Variants in PDE3A observed in about 807,000 individuals in gnomAD.
The protein encoded by PDE3A is cGMP-inhibited 3',5'-cyclic phosphodiesterase 3A.
A neutral mutation model predicts 98.3 loss-of-function variants in PDE3A; 43 were observed. The ratio of observed to expected loss-of-function variants is 0.44; its 90% CI spans 0.34 to 0.56. The LOEUF (loss-of-function observed/expected upper bound fraction) is 0.56, where lower values mean the gene tolerates loss of function less well. Ranked by LOEUF, PDE3A falls within the 20% of genes least tolerant of loss-of-function variation. PDE3A has a pLI of 0.01. For missense variants in PDE3A, 1,427 were observed against 1,440.7 expected (o/e 0.99, Z 0.15); for synonymous variants, 663 against 567.9 (o/e 1.17, Z -2.38).
intron 2 of PDE3A, among the ~76,000 whole-genome samples, chr12:20,582,970 G>C (rs183450423): frequency 6.6e-6 from 1 of 152,078 alleles, no homozygotes; most frequent in Non-Finnish European, 1.5e-5. Flanking sequence ...TGAATTCCAA[G>C]GAACAATTTA....
chr12:20,486,240 A>G (rs1257497950), intron 1 of PDE3A, among the ~76,000 whole-genome samples: 3 of 152,150 alleles, frequency 2.0e-5, no homozygotes, highest in African/African-American at 7.2e-5. Context: ...GGAAACTTAC[A>G]ATCATGGTGG....
intron 13 of PDE3A, among the ~76,000 whole-genome samples, chr12:20,649,770 A>G (rs1944870988): frequency 6.6e-6 from 1 of 152,038 alleles, no homozygotes; most frequent in Admixed American, 6.6e-5. Context: ...TACTAAAAAT[A>G]CAAAAATTGG....
Position 20,369,412 on chromosome 12 carries a change from G to GC in PDE3A, c.130dup (p.Arg44ProfsTer45), listed in dbSNP as rs1269861670. ...CCCGCATCGCCGCGGGACTCGGGCT[G>GC]CCGTGGCTGCTGGGGAGACCTGGTG... On this transcript the variant is annotated frameshift_variant, in exon 1 of 16. Coordinates refer to ENST00000359062, the MANE Select transcript of PDE3A (RefSeq NM_000921.5). LOFTEE classifies it high-confidence loss of function. 2 of 1,554,098 alleles carry GC rather than the reference G, an allele frequency of 1.3e-6. No individual in the cohort carries two copies. Among genetic ancestry groups the GC allele is most frequent in the Non-Finnish European group, 1.7e-6 (2 of 1,149,684 alleles).
chr12:20,414,890 A>G (rs1944396636), intron 1 of PDE3A, among the ~76,000 whole-genome samples: 2 of 152,334 alleles, frequency 1.3e-5, no homozygotes, highest in Non-Finnish European at 2.9e-5. Flanking sequence ...TTAAAAATCT[A>G]ATAAATATAA....
chr12:20,576,018 C>T (rs752232174), intron 2 of PDE3A, among the ~76,000 whole-genome samples: 22 of 151,720 alleles, frequency 1.5e-4, no homozygotes, highest in South Asian at 8.4e-4. Flanking sequence ...TTTTTGTGGG[C>T]GCATAGTAAG....
intron 1 of PDE3A, among the ~76,000 whole-genome samples, chr12:20,439,556 G>T (rs530878204): frequency 1.3e-5 from 2 of 152,180 alleles, no homozygotes; most frequent in South Asian, 2.1e-4. Context: ...TCAGATCACT[G>T]GTTATTGCTG....
intron 1 of PDE3A, among the ~76,000 whole-genome samples, chr12:20,532,863 T>A (rs1386349129): frequency 6.6e-6 from 1 of 152,066 alleles, no homozygotes; most frequent in African/African-American, 2.4e-5. Flanking sequence ...TAACTTTTTG[T>A]ATTTTTAGTA....
At chr12:20,595,483 C>A (rs558130705) in intron 2 of PDE3A, among the ~76,000 whole-genome samples, 16 of 152,126 alleles carry the variant, frequency 1.1e-4, no homozygotes, top group Non-Finnish European at 1.9e-4. Flanking sequence ...GTCTTTGGAC[C>A]TATTTGTCTT....
intron 2 of PDE3A, among the ~76,000 whole-genome samples, chr12:20,574,331 T>G (rs1204049060): frequency 2.0e-5 from 3 of 152,064 alleles, no homozygotes; most frequent in East Asian, 1.9e-4. Flanking sequence ...GACTTCACAT[T>G]AACTGAAATC....
Position 20,383,977 on chromosome 12 carries a change from G to A in PDE3A, c.960+13733G>A, listed in dbSNP as rs576863946. On this transcript the variant is annotated intron_variant, in intron 1 of 15. Coordinates refer to ENST00000359062, the MANE Select transcript of PDE3A (RefSeq NM_000921.5). Reference sequence around the variant, plus strand: ...AGATTGTTGCAATAATCCAGAGATGGTTGGGAGTTGGACCAAAATGATAAT... The same window carrying A: ...AGATTGTTGCAATAATCCAGAGATGATTGGGAGTTGGACCAAAATGATAAT... Among the ~76,000 whole-genome samples, 3 of 152,052 alleles carry A rather than the reference G, an allele frequency of 2.0e-5. No homozygotes were observed. The South Asian group carries it at 6.2e-4, about 31-fold the overall frequency.
chr12:20,676,072 CTCTG>C (rs753548495), intron 15 of PDE3A, among the ~76,000 whole-genome samples: 1 of 152,108 alleles, frequency 6.6e-6, no homozygotes, highest in Non-Finnish European at 1.5e-5. Flanking sequence ...CTCTCTCTCT[CTCTG>C]TCTTATTGTT....
At chr12:20,556,736 C>T (rs1274360865) in intron 2 of PDE3A, 26 bp downstream of exon 2, 1 of 1,577,764 alleles carries the variant, frequency 6.3e-7, no homozygotes, top group South Asian at 1.1e-5. Context: ...TTTTCTTTTT[C>T]ACGTTTCGTT....
intron 1 of PDE3A, among the ~76,000 whole-genome samples, chr12:20,506,663 C>T (rs748941369): frequency 6.6e-6 from 1 of 151,804 alleles, no homozygotes; most frequent in African/African-American, 2.4e-5. Flanking sequence ...ATACGTTAAC[C>T]TGGTTAATTG....
chr12:20,387,216 G>T (rs2120587497), intron 1 of PDE3A, among the ~76,000 whole-genome samples: 1 of 152,188 alleles, frequency 6.6e-6, no homozygotes, highest in East Asian at 1.9e-4. Flanking sequence ...AATGCCTGCT[G>T]CTTTGTTCTT....
chr12:20,601,230 T>TTTG (rs1943583655), intron 2 of PDE3A, among the ~76,000 whole-genome samples: 6 of 151,436 alleles, frequency 4.0e-5, no homozygotes, highest in Admixed American at 2.6e-4. Context: ...CTCCAAGGCT[T>TTTG]TTTGTTTGTT....
rs143647907 is a variant in PDE3A at position 20,415,469 on chromosome 12, G to T, written c.960+45225G>T. 4.7e-3 allele frequency among the ~76,000 whole-genome samples: 719 copies of T among 151,560 alleles called. 6 individuals carry two copies. Among genetic ancestry groups the T allele is most frequent in the African/African-American group, 0.017 (684 of 41,340 alleles). On this transcript the variant is annotated intron_variant, in intron 1 of 15. Coordinates refer to ENST00000359062, the MANE Select transcript of PDE3A (RefSeq NM_000921.5). Reference sequence around the variant, plus strand: ...GAGTCTCACTCAGCTTCCCAGACCGGAGTGCAGTGGCATCGATTTCAGCTT... The same window carrying T: ...GAGTCTCACTCAGCTTCCCAGACCGTAGTGCAGTGGCATCGATTTCAGCTT...
intron 1 of PDE3A, among the ~76,000 whole-genome samples, chr12:20,462,605 T>C (rs767925408): frequency 6.6e-6 from 1 of 152,204 alleles, no homozygotes; most frequent in Non-Finnish European, 1.5e-5. Flanking sequence ...TAGATAATTC[T>C]GATTTGTTTG....
Position 20,487,677 on chromosome 12 carries a change from A to T in PDE3A, c.961-68983A>T, listed in dbSNP as rs546157468. 5.5e-3 allele frequency among the ~76,000 whole-genome samples: 831 copies of T among 151,984 alleles called. 4 individuals are homozygous for T. Among genetic ancestry groups the T allele is most frequent in the African/African-American group, 0.018 (761 of 41,466 alleles). ...TAAGAAAAAAAAATAAATAAATAAA[A>T]AAAGTGGTCAGTTTCTACAAGGCAA... On this transcript the variant is annotated intron_variant, in intron 1 of 15. Coordinates refer to ENST00000359062, the MANE Select transcript of PDE3A (RefSeq NM_000921.5).
At chr12:20,514,434 G>T (rs1475532463) in intron 1 of PDE3A, among the ~76,000 whole-genome samples, 3 of 152,170 alleles carry the variant, frequency 2.0e-5, no homozygotes, top group Admixed American at 6.6e-5. Flanking sequence ...TGTTGTGTTT[G>T]AAGTAAAGCA....
Sources: allele counts gnomAD v4.1 joint callset (sites outside exome capture counted in the v4.1 genomes callset), GRCh38; gene constraint gnomAD v4.1.1; transcripts MANE v1.5; gene names NCBI Gene and HGNC (gene_info 2026-07-23, HGNC 2026-07-21).